Variants in DCUN1D4 observed in about 807,000 individuals in gnomAD.
The protein encoded by DCUN1D4 is DCN1-like protein 4.
In DCUN1D4, 22 loss-of-function variants were observed where a neutral mutation model predicts 47.9. The observed-to-expected ratio is 0.46, with a 90% CI of 0.33 to 0.66. The LOEUF is 0.66. DCUN1D4 is among the 30% of genes least tolerant of loss of function. The pLI, the probability that DCUN1D4 is intolerant of heterozygous loss-of-function variation, is 0.02. For missense variants in DCUN1D4, 301 were observed against 340.8 expected, an observed-to-expected ratio of 0.88 and a Z score of 0.92; for synonymous variants, 121 against 112.2, an observed-to-expected ratio of 1.08 and a Z score of -0.50.
intron 1 of DCUN1D4, among the ~76,000 whole-genome samples, chr4:51,853,947 A>G (rs1375343547): frequency 6.6e-6 from 1 of 152,200 alleles, no homozygotes; most frequent in Non-Finnish European, 1.5e-5. Context: ...AGCACAGTGC[A>G]GCATTAACTC....
chr4:51,858,889 T>C (rs894253117), intron 1 of DCUN1D4, among the ~76,000 whole-genome samples: 1 of 152,204 alleles, frequency 6.6e-6, no homozygotes, highest in African/African-American at 2.4e-5. Context: ...AGAGACTGTA[T>C]GGGCCAGAAA....
chr4:51,872,528 T>C (rs566121576), intron 3 of DCUN1D4, among the ~76,000 whole-genome samples: 82 of 152,212 alleles, frequency 5.4e-4, no homozygotes, highest in Non-Finnish European at 1.0e-3. Context: ...CGTGCTGCAA[T>C]TGAACACTCC....
intron 1 of DCUN1D4, among the ~76,000 whole-genome samples, chr4:51,855,890 A>C (rs1192550899): frequency 6.6e-6 from 1 of 152,200 alleles, no homozygotes; most frequent in African/African-American, 2.4e-5. Flanking sequence ...AAACAAGGCA[A>C]ATCTAAAGAG....
At chr4:51,867,741 A>G (rs536795889) in intron 3 of DCUN1D4, among the ~76,000 whole-genome samples, 9 of 152,350 alleles carry the variant, frequency 5.9e-5, no homozygotes, top group Admixed American at 5.2e-4. Context: ...AAAAAGCACC[A>G]TAAGTTCTCA....
intron 6 of DCUN1D4, among the ~76,000 whole-genome samples, chr4:51,891,160 T>A (rs1196867319): frequency 6.6e-6 from 1 of 152,270 alleles, no homozygotes; most frequent in African/African-American, 2.4e-5. Context: ...GTCCACCTTG[T>A]TATGTTTTAA....
chr4:51,903,842 T>TAAA (rs1732473781), intron 8 of DCUN1D4, among the ~76,000 whole-genome samples: 1 of 152,226 alleles, frequency 6.6e-6, no homozygotes, highest in African/African-American at 2.4e-5. Flanking sequence ...GGGTCTTGTT[T>TAAA]ATGTCTCCAG....
intron 3 of DCUN1D4, among the ~76,000 whole-genome samples, chr4:51,866,378 G>GTGATGATGATGA (rs540585746): frequency 2.0e-5 from 3 of 148,942 alleles, no homozygotes; most frequent in East Asian, 2.0e-4. Context: ...CCAAATTATG[G>GTGATGATGATGA]TGATGATGAT....
rs1002732868 is a variant in DCUN1D4, at chr4:51,884,035, A to G, written c.344-2533A>G. Among the ~76,000 whole-genome samples, 9 of 150,624 alleles carry G rather than the reference A, an allele frequency of 6.0e-5. No homozygotes were observed. In the East Asian group the frequency reaches 1.7e-3, roughly 29 times the overall value. On this transcript the variant is annotated intron_variant, in intron 5 of 10. Coordinates refer to ENST00000334635, the MANE Select transcript of DCUN1D4 (RefSeq NM_001040402.3). Reference sequence around the variant, plus strand: ...TTTTTAAATTTATGTTTATACATTTATATAAAAAGGGGATAGAAGGGGACA... The same window carrying G: ...TTTTTAAATTTATGTTTATACATTTGTATAAAAAGGGGATAGAAGGGGACA...
At chr4:51,889,181 A>G (rs1485502002) in intron 6 of DCUN1D4, among the ~76,000 whole-genome samples, 4 of 152,222 alleles carry the variant, frequency 2.6e-5, no homozygotes, top group African/African-American at 4.8e-5. Context: ...GCTGTCACCA[A>G]TAGAAGTTGT....
rs140738575 is a variant in DCUN1D4 at position 51,892,681 on chromosome 4, G to T, written c.506+830G>T. On this transcript the variant is annotated intron_variant, in intron 7 of 10. Coordinates refer to ENST00000334635, the MANE Select transcript of DCUN1D4 (RefSeq NM_001040402.3). ...ATGCAATATGTGCGTGTGTGCATGC[G>T]CCTGTGTGTTGTGTATTTGCTCAGT... Among the ~76,000 whole-genome samples the T allele has an allele frequency of 2.8e-4, 42 of 152,278 alleles. No homozygotes were observed. The South Asian group carries it at 8.5e-3, about 31-fold the overall frequency.
intron 3 of DCUN1D4, among the ~76,000 whole-genome samples, chr4:51,872,585 C>G (rs1221435450): frequency 6.6e-6 from 1 of 152,228 alleles, no homozygotes; most frequent in African/African-American, 2.4e-5. Context: ...ACATGACACT[C>G]TCCTGGATTT....
chr4:51,884,760 C>T (rs1383846200), intron 5 of DCUN1D4, among the ~76,000 whole-genome samples: 2 of 152,156 alleles, frequency 1.3e-5, no homozygotes, highest in Non-Finnish European at 2.9e-5. Context: ...CACAGTACTG[C>T]CTGACCCAGC....
intron 1 of DCUN1D4, among the ~76,000 whole-genome samples, chr4:51,848,527 G>A (rs1056228834): frequency 9.9e-5 from 15 of 152,146 alleles, no homozygotes; most frequent in Admixed American, 2.0e-4. Context: ...TGATGAATCT[G>A]ACATAAATGC....
Position 51,900,704 on chromosome 4 carries a change from C to CT in DCUN1D4, c.615+1334dup, listed in dbSNP as rs566569433. Reference sequence around the variant, plus strand: ...GAAAAAGGAAGTTATTTGCCAGATGCTTTTTTTTGCTAGATGCTTTTAGAA... The same window carrying CT: ...GAAAAAGGAAGTTATTTGCCAGATGCTTTTTTTTTGCTAGATGCTTTTAGAA... On this transcript the variant is annotated intron_variant, in intron 8 of 10. Transcript: ENST00000334635. Among the ~76,000 whole-genome samples, 96 of 151,432 alleles carry CT rather than the reference C, an allele frequency of 6.3e-4. 2 individuals are homozygous for CT. The South Asian group carries it at 0.016, about 25-fold the overall frequency.
intron 7 of DCUN1D4, among the ~76,000 whole-genome samples, chr4:51,893,521 G>A (rs1246913275): frequency 6.6e-6 from 1 of 152,050 alleles, no homozygotes; most frequent in Non-Finnish European, 1.5e-5. Context: ...CGCCTCCCGG[G>A]TTCAAGTGAT....
At chr4:51,888,539 G>A (rs984369827) in intron 6 of DCUN1D4, among the ~76,000 whole-genome samples, 1 of 151,630 alleles carries the variant, frequency 6.6e-6, no homozygotes, top group Non-Finnish European at 1.5e-5. Context: ...TCAGCAGTTC[G>A]AGACCAGCCT....
At chr4:51,840,195 G>A (rs1721595427), upstream of DCUN1D4, among the ~76,000 whole-genome samples, 1 of 151,686 alleles carries the variant, frequency 6.6e-6, no homozygotes, top group Non-Finnish European at 1.5e-5. Flanking sequence ...ATGTACAGAA[G>A]TATAACATTA....
chr4:51,888,490 C>G (rs984825470), intron 6 of DCUN1D4, among the ~76,000 whole-genome samples: 19 of 152,140 alleles, frequency 1.2e-4, no homozygotes, highest in African/African-American at 4.3e-4. Flanking sequence ...CCTGTAATCC[C>G]AGCACTTTGG....
At chr4:51,869,864 A>T (rs1023983285) in intron 3 of DCUN1D4, among the ~76,000 whole-genome samples, 1 of 152,226 alleles carries the variant, frequency 6.6e-6, no homozygotes. Flanking sequence ...TTGAAATCAG[A>T]TGGGGTCAGT....
Sources: gnomAD v4.1 joint callset for allele counts (sites outside exome capture counted in the v4.1 genomes callset) on GRCh38, gnomAD v4.1.1 for gene constraint, MANE v1.5 for transcripts, NCBI Gene and HGNC (gene_info 2026-07-23, HGNC 2026-07-21) for gene names.